The following PRKDC variants were observed in gnomAD, a reference collection of about 807,000 sequenced individuals.
PRKDC encodes the protein protein kinase, DNA-activated, catalytic subunit.
A neutral mutation model predicts 486.9 loss-of-function variants in PRKDC; 82 were observed. The ratio of observed to expected loss-of-function variants is 0.17; its 90% confidence interval spans 0.14 to 0.20. The LOEUF (loss-of-function observed/expected upper bound fraction) is 0.20, where lower values mean the gene tolerates loss of function less well. Among genes scored for constraint, PRKDC ranks in the 10% least tolerant of loss-of-function variants. The pLI is 1.00. For missense variants in PRKDC, 4,504 were observed against 5,038.2 expected (o/e 0.89, Z 3.21); for synonymous variants, 1,895 against 1,837.0 (o/e 1.03, Z -0.81).
chr8:47,774,325 C>T lies in PRKDC; in HGVS notation c.12235G>A (p.Ala4079Thr). The change falls in exon 86 of 86, where the codon GCT becomes ACT. Residue 4079 changes from alanine (A) to threonine (T), a missense_variant. Physicochemically the swap from Ala to Thr is moderately conservative, Grantham distance 58. Around this residue, in one of 6 missense-constraint regions of PRKDC, gnomAD observed 706 missense variants for 945.0 expected, o/e 0.75. Transcript: ENST00000314191. Reference protein sequence around the residue: ...EKAPAFRDYVAVARGSKDHNI... With the variant: ...EKAPAFRDYVTVARGSKDHNI... Reference sequence around the variant, plus strand: ...TGATCTTTGCTTCCTCGTGCCACAGCCACATAGTCTCTGAAGGCAGGGGCC... The same window carrying T: ...TGATCTTTGCTTCCTCGTGCCACAGTCACATAGTCTCTGAAGGCAGGGGCC... 6.2e-7 allele frequency: 1 copy of T among 1,613,552 alleles called. No homozygotes were observed. Among genetic ancestry groups the T allele is most frequent in the East Asian group, 2.2e-5 (1 of 44,884 alleles).
intron 54 of PRKDC, among the ~76,000 whole-genome samples, chr8:47,840,516 AG>A (rs954875249): frequency 3.3e-5 from 5 of 152,282 alleles, no homozygotes; most frequent in African/African-American, 1.2e-4. Context: ...AGATTATGTA[AG>A]GGGGAAAGTT....
chr8:47,879,515 A>C lies in PRKDC; in HGVS notation c.5211T>G (p.Asn1737Lys), dbSNP rs755276695. 6.3e-7 allele frequency: 1 copy of C among 1,595,474 alleles called. No homozygotes were observed. The highest frequency in any genetic ancestry group is 2.3e-5 in the East Asian group (1 of 44,378). Reference protein sequence around the residue: ...REFPPGTPRFNNYVDCMKKFL... With the variant: ...REFPPGTPRFKNYVDCMKKFL... Reference sequence around the variant, plus strand: ...CCTTTTTCATGCAGTCCACATAATTATTGAACCGCGGAGTTCCTGGAGGAA... The same window carrying C: ...CCTTTTTCATGCAGTCCACATAATTCTTGAACCGCGGAGTTCCTGGAGGAA... Residue 1737 changes from asparagine to lysine, a missense_variant, in exon 39 of 86, where the codon AAT (asparagine) becomes AAG (lysine). By Grantham distance (94) the Asn-to-Lys change is moderately conservative. Transcript: ENST00000314191.
Position 47,785,146 on chromosome 8 carries a change from C to T in PRKDC, c.11074G>A (p.Val3692Met), listed in dbSNP as rs773386532. 5 of 1,613,950 alleles carry T rather than the reference C, an allele frequency of 3.1e-6. No homozygotes were observed. The highest frequency in any genetic ancestry group is 2.2e-5 in the East Asian group (1 of 44,868). Residue 3692 changes from valine to methionine, a missense_variant, in exon 77 of 86, where the codon GTG becomes ATG. Coordinates refer to ENST00000314191, the MANE Select transcript of PRKDC (RefSeq NM_006904.7). ...ECSPWMSDFK[V>M]EFLRNELEIP... ...TCCAGCTCATTTCTCAGGAACTCCA[C>T]TTTGAAGTCGCTCATCCAGGGTGAA...
intron 21 of PRKDC, among the ~76,000 whole-genome samples, chr8:47,918,934 C>T (rs1041588015): frequency 5.3e-5 from 8 of 152,020 alleles, no homozygotes; most frequent in African/African-American, 1.4e-4. Flanking sequence ...AGACTATTTA[C>T]AGTGTTGAAG....
intron 52 of PRKDC, among the ~76,000 whole-genome samples, chr8:47,851,954 A>G (rs184845322): frequency 1.3e-3 from 203 of 152,264 alleles, no homozygotes; most frequent in African/African-American, 4.6e-3. Flanking sequence ...TGTTTCTACA[A>G]AAAATACAAA....
chr8:47,790,120 T>C (rs1471679903), intron 74 of PRKDC, among the ~76,000 whole-genome samples: 1 of 152,140 alleles, frequency 6.6e-6, no homozygotes, highest in African/African-American at 2.4e-5. Flanking sequence ...GAAGTCAAAT[T>C]ATCCTTGCTT....
Position 47,840,093 on chromosome 8 carries a change from C to G in PRKDC, c.7377G>C (p.Val2459=), listed in dbSNP as rs866961642. Residue 2459 remains valine, a synonymous_variant, in exon 55 of 86, where the codon GTG becomes GTC. Coordinates refer to ENST00000314191, the MANE Select transcript of PRKDC (RefSeq NM_006904.7). The part of the protein sequence containing the change: ...VELRELLNPV[V]EFVSHPSTTC... ...TTGTAGAAGGATGGGAAACGAATTC[C>G]ACAACGGGGTTCAGAAGTTCTCGGA... 3 of 1,579,440 alleles carry G rather than the reference C, an allele frequency of 1.9e-6. No homozygotes were observed. The Middle Eastern group carries it at 5.0e-4, about 263-fold the overall frequency.
At chr8:47,954,316 A>G (rs750273749) in intron 5 of PRKDC, 22 bp downstream of exon 5, 10 of 998,186 alleles carry the variant, frequency 1.0e-5, no homozygotes, top group South Asian at 2.3e-5. Context: ...CTATTTGAAA[A>G]TAACATGTAA....
chr8:47,849,442 A>G lies in PRKDC; in HGVS notation c.7067T>C (p.Met2356Thr). ...AKQLKQHQNTMEDKFIVCLNK... is the reference protein window; with the variant it reads ...AKQLKQHQNTTEDKFIVCLNK... ...CAAGCACACAATAAACTTGTCCTCC[A>G]TAGTATTCTGATGTTGCTTCAATTG... is the stretch of plus-strand genomic sequence containing the variant. The change falls in exon 53 of 86, where the codon ATG becomes ACG. Residue 2356 changes from methionine (M) to threonine (T), a missense_variant. Coordinates refer to ENST00000314191, the MANE Select transcript of PRKDC (RefSeq NM_006904.7). 6.2e-7 allele frequency: 1 copy of G among 1,614,032 alleles called. No homozygotes were observed. The highest frequency in any genetic ancestry group is 8.5e-7 in the Non-Finnish European group (1 of 1,179,900).
intron 71 of PRKDC, among the ~76,000 whole-genome samples, chr8:47,800,152 T>G (rs1200467613): frequency 6.6e-6 from 1 of 152,112 alleles, no homozygotes; most frequent in Non-Finnish European, 1.5e-5. Flanking sequence ...TAAAGACACA[T>G]GCACACGTAT....
At position 47,799,202 on chromosome 8, in the gene PRKDC, C is replaced by G; in HGVS notation, c.10297+8G>C. 1 of 1,613,592 alleles carries G rather than the reference C, an allele frequency of 6.2e-7. No individual in the cohort carries two copies. Among genetic ancestry groups the G allele is most frequent in the Non-Finnish European group, 8.5e-7 (1 of 1,179,836 alleles). ...AATGGAACACTAGCTTTTTAATTTT[C>G]AATTCACCTGATGCATTCTCTTCCT... On this transcript the variant is annotated splice_region_variant and intron_variant, in intron 72 of 85. Coordinates refer to ENST00000314191, the MANE Select transcript of PRKDC (RefSeq NM_006904.7).
intron 36 of PRKDC, among the ~76,000 whole-genome samples, chr8:47,883,110 G>A (rs1219258544): frequency 6.6e-6 from 1 of 152,214 alleles, no homozygotes; most frequent in Non-Finnish European, 1.5e-5. Flanking sequence ...TGATGAGAGT[G>A]CACAGGGACC....
At chr8:47,778,827 T>G (rs761375915) in intron 81 of PRKDC, 28 bp from the exon 82 acceptor site, 2 of 1,584,962 alleles carry the variant, frequency 1.3e-6, no homozygotes, top group Non-Finnish European at 1.7e-6. Flanking sequence ...AAACATCTAA[T>G]TAGAAAAAAT....
chr8:47,859,656 G>A lies in PRKDC; in HGVS notation c.6162C>T (p.Tyr2054=), dbSNP rs770245596. ...DFSTGVQSYS[Y]SSQDPRPATG... ...TGGCAGGTCTAGGGTCTTGGGAGCT[G>A]TATGAATAGCTCTGAACTCCGGTTG... Residue 2054 remains tyrosine, a synonymous_variant, in exon 46 of 86, where the codon TAC becomes TAT. Transcript: ENST00000314191. 22 of 1,613,924 alleles carry A rather than the reference G, an allele frequency of 1.4e-5. No homozygotes were observed. Among genetic ancestry groups the A allele is most frequent in the Non-Finnish European group, 1.8e-5 (21 of 1,179,868 alleles).
At chr8:47,825,299 G>A (rs971331026) in intron 63 of PRKDC, among the ~76,000 whole-genome samples, 4 of 152,074 alleles carry the variant, frequency 2.6e-5, no homozygotes, top group Non-Finnish European at 5.9e-5. Context: ...ACTTTGGGAG[G>A]CCGGGGCGGG....
At chr8:47,783,966 T>A (rs2086744803) in intron 77 of PRKDC, 157 bp from the exon 78 acceptor site, 1 of 736,324 alleles carries the variant, frequency 1.4e-6, no homozygotes, top group Admixed American at 2.5e-5. Context: ...TTAAAAAAAA[T>A]GTTATTTCTC....
At position 47,854,125 on chromosome 8, in the gene PRKDC, T is replaced by A; in HGVS notation, c.6851A>T (p.Asp2284Val). The A allele has an allele frequency of 4.3e-6, 7 of 1,613,992 alleles. No homozygotes were observed. The highest frequency in any genetic ancestry group is 5.9e-6 in the Non-Finnish European group (7 of 1,179,872). Residue 2284 changes from aspartate to valine, a missense_variant, in exon 51 of 86, where the codon GAC becomes GTC. This residue lies in a region of PRKDC where 1,592 missense variants were observed against 1,724.6 expected (regional missense o/e 0.92). Coordinates refer to ENST00000314191, the MANE Select transcript of PRKDC (RefSeq NM_006904.7). The part of the protein sequence containing the change: ...IQLLGIVMAN[D>V]LPPYDPQCGI... ...ACACTGTGGGTCATAGGGAGGCAGG[T>A]CATTGGCCATCACGATGCCTAGCAA... is the stretch of plus-strand genomic sequence containing the variant.
At position 47,783,821 on chromosome 8, in the gene PRKDC, C is replaced by A. The variant is rs1404764142; in HGVS notation, c.11108-12G>T. On this transcript the variant is annotated splice_polypyrimidine_tract_variant and intron_variant, in intron 77 of 85. Coordinates refer to ENST00000314191, the MANE Select transcript of PRKDC (RefSeq NM_006904.7). ...ACCGTCATACTGACCTAAAACAAAC[C>A]AGAACCTTGCTTAGGAACAGCTTGT... is the stretch of plus-strand genomic sequence containing the variant. 6.2e-7 allele frequency: 1 copy of A among 1,613,692 alleles called. No individual in the cohort carries two copies.
At chr8:47,798,859 G>GT (rs2087037752) in intron 72 of PRKDC, among the ~76,000 whole-genome samples, 1 of 151,824 alleles carries the variant, frequency 6.6e-6, no homozygotes, top group Non-Finnish European at 1.5e-5. Flanking sequence ...ACCCAGGCTG[G>GT]TGTGCAGTAG....
Sources: allele counts gnomAD v4.1 joint callset (sites outside exome capture counted in the v4.1 genomes callset), GRCh38; gene constraint gnomAD v4.1.1; regional missense constraint gnomAD v4.1.1; transcripts MANE v1.5; gene names NCBI Gene and HGNC (gene_info 2026-07-23, HGNC 2026-07-21).